SLC6A17: variants seen among roughly 807,000 people sequenced by gnomAD.
SLC6A17 encodes the protein sodium-dependent neutral amino acid transporter SLC6A17.
A neutral mutation model predicts 64.5 loss-of-function variants in SLC6A17; 21 were observed. That is an observed-to-expected ratio of 0.33 (90% CI 0.23 to 0.47). The LOEUF is 0.47. Among genes scored for constraint, SLC6A17 ranks in the 20% least tolerant of loss-of-function variants. SLC6A17 has a pLI of 1.00. For synonymous variants in SLC6A17, 372 were observed against 399.5 expected, an observed-to-expected ratio of 0.93 and a Z score of 0.82; for missense variants, 682 against 963.2, an observed-to-expected ratio of 0.71 and a Z score of 3.86.
intron 1 of SLC6A17, among the ~76,000 whole-genome samples, chr1:110,165,444 A>G (rs1656022717): frequency 6.6e-6 from 1 of 152,094 alleles, no homozygotes; most frequent in South Asian, 2.1e-4. Context: ...CCAAAGCCTA[A>G]CCCTGTCTAT....
intron 1 of SLC6A17, among the ~76,000 whole-genome samples, chr1:110,161,151 G>T (rs1481176699): frequency 6.6e-6 from 1 of 152,230 alleles, no homozygotes; most frequent in Non-Finnish European, 1.5e-5. Context: ...CCAGGTGACT[G>T]TCAGAGGTTT....
Position 110,198,320 on chromosome 1 carries a change from C to T in SLC6A17, c.2060C>T (p.Pro687Leu). The T allele has an allele frequency of 6.2e-7, 1 of 1,614,188 alleles. No homozygotes were observed. Among genetic ancestry groups the T allele is most frequent in the Non-Finnish European group, 8.5e-7 (1 of 1,180,020 alleles). Reference protein sequence around the residue: ...LSKVPSEAPSPMPTHRSYLGP... With the variant: ...LSKVPSEAPSLMPTHRSYLGP... Reference sequence around the variant, plus strand: ...AAGGTGCCCAGTGAGGCACCTTCCCCCATGCCCACTCACCGTTCCTATCTG... The same window carrying T: ...AAGGTGCCCAGTGAGGCACCTTCCCTCATGCCCACTCACCGTTCCTATCTG... Residue 687 changes from proline to leucine, a missense_variant, in exon 12 of 12, where the codon CCC becomes CTC. Pro to Leu is a moderately conservative substitution (Grantham distance 98, BLOSUM62 -3). This residue lies in a region of SLC6A17 where 264 missense variants were observed against 339.5 expected (regional missense o/e 0.78). Coordinates refer to ENST00000331565, the MANE Select transcript of SLC6A17 (RefSeq NM_001010898.4).
intron 2 of SLC6A17, among the ~76,000 whole-genome samples, chr1:110,167,704 A>G (rs1346448134): frequency 6.6e-6 from 1 of 152,182 alleles, no homozygotes. Flanking sequence ...GAAACTGCTG[A>G]TATTTGAGCA....
intron 6 of SLC6A17, among the ~76,000 whole-genome samples, chr1:110,185,546 A>G (rs767123648): frequency 6.6e-6 from 1 of 152,236 alleles, no homozygotes; most frequent in Non-Finnish European, 1.5e-5. Context: ...TGAGTGAGGA[A>G]GTAGTTCAGC....
intron 6 of SLC6A17, among the ~76,000 whole-genome samples, chr1:110,188,472 C>G (rs1656744741): frequency 6.6e-6 from 1 of 152,196 alleles, no homozygotes; most frequent in Admixed American, 6.5e-5. Context: ...ATACTCATCC[C>G]CAGCAGATGA....
chr1:110,173,902 C>CAAG, intron 3 of SLC6A17, 71 bp from the exon 4 acceptor site: 3 of 1,537,476 alleles, frequency 2.0e-6, no homozygotes, highest in South Asian at 1.3e-5. Flanking sequence ...CGTGCTGGGC[C>CAAG]TCGGGTGGAG....
At chr1:110,186,255 T>G (rs1032002634) in intron 6 of SLC6A17, among the ~76,000 whole-genome samples, 1 of 152,150 alleles carries the variant, frequency 6.6e-6, no homozygotes, top group African/African-American at 2.4e-5. Context: ...CAGGAGTGGC[T>G]GCCTCCATTT....
In SLC6A17 at chr1:110,173,958, T is replaced by C. The variant is rs1471860591; in HGVS notation, c.445-15T>C. The C allele has an allele frequency of 5.0e-6, 8 of 1,612,488 alleles. No homozygotes were observed. The Admixed American group carries it at 1.2e-4, about 24-fold the overall frequency. On this transcript the variant is annotated splice_polypyrimidine_tract_variant and intron_variant, in intron 3 of 11. Transcript: ENST00000331565. ...GCCTGCAGCCTCAGTGACCCCGCAG[T>C]GGGCTTGTCCCCAGGTCTGTCTCTT... is the stretch of plus-strand genomic sequence containing the variant.
intron 6 of SLC6A17, among the ~76,000 whole-genome samples, chr1:110,190,904 T>C (rs1656808385): frequency 6.6e-6 from 1 of 152,164 alleles, no homozygotes; most frequent in Non-Finnish European, 1.5e-5. Flanking sequence ...ACCAGCTCCA[T>C]TACCTTGAGC....
intron 11 of SLC6A17, among the ~76,000 whole-genome samples, 186 bp downstream of exon 11, chr1:110,197,785 G>A (rs989373901): frequency 2.0e-5 from 3 of 152,230 alleles, no homozygotes; most frequent in Non-Finnish European, 4.4e-5. Context: ...TAGCACAAAC[G>A]GGGACACCGA....
intron 1 of SLC6A17, among the ~76,000 whole-genome samples, chr1:110,159,264 A>T (rs917516017): frequency 6.6e-6 from 1 of 152,170 alleles, no homozygotes; most frequent in East Asian, 1.9e-4. Flanking sequence ...GAGAGAATGC[A>T]TGGGTTGGGG....
At chr1:110,196,680 C>A (rs1656978861) in intron 10 of SLC6A17, among the ~76,000 whole-genome samples, 1 of 152,146 alleles carries the variant, frequency 6.6e-6, no homozygotes, top group African/African-American at 2.4e-5. Context: ...AGCAAAATAT[C>A]ATTTAAAATT....
intron 6 of SLC6A17, chr1:110,177,818 G>A (rs1656412442): frequency 6.6e-6 from 1 of 152,438 alleles, no homozygotes; most frequent in African/African-American, 2.4e-5. Flanking sequence ...ATCTGATAGG[G>A]TTGGAAATCC....
intron 4 of SLC6A17, among the ~76,000 whole-genome samples, 159 bp from the exon 5 acceptor site, chr1:110,174,620 T>A (rs1000178609): frequency 1.3e-5 from 2 of 152,000 alleles, no homozygotes; most frequent in Non-Finnish European, 2.9e-5. Context: ...TTCCTCAGGG[T>A]CTGCCAGATC....
chr1:110,191,212 G>T (rs1045814822), intron 6 of SLC6A17, among the ~76,000 whole-genome samples: 5 of 152,176 alleles, frequency 3.3e-5, no homozygotes, highest in Non-Finnish European at 5.9e-5. Context: ...TCAGGATTTG[G>T]ATCTGGATCT....
intron 1 of SLC6A17, among the ~76,000 whole-genome samples, chr1:110,161,810 TC>T (rs1484940241): frequency 1.3e-5 from 2 of 152,192 alleles, no homozygotes; most frequent in African/African-American, 2.4e-5. Context: ...CCAGGCTTTG[TC>T]CTGGTGCCAG....
chr1:110,165,642 G>T (rs942360096), intron 1 of SLC6A17, among the ~76,000 whole-genome samples: 1 of 152,194 alleles, frequency 6.6e-6, no homozygotes, highest in African/African-American at 2.4e-5. Context: ...TCAGGCCTTG[G>T]CTGGGGTCAG....
At chr1:110,173,904 C>T (rs897966162) in intron 3 of SLC6A17, 69 bp from the exon 4 acceptor site, 11 of 1,529,008 alleles carry the variant, frequency 7.2e-6, no homozygotes, top group South Asian at 2.7e-5. Context: ...TGCTGGGCCT[C>T]GGGTGGAGCG....
At chr1:110,184,389 GCCACTGCGCGCAGC>G (rs1656623659) in intron 6 of SLC6A17, among the ~76,000 whole-genome samples, 1 of 152,222 alleles carries the variant, frequency 6.6e-6, no homozygotes, top group African/African-American at 2.4e-5. Flanking sequence ...ATAGATGTGA[GCCACTGCGCGCAGC>G]CCAGAAGCCC....
Sources: gnomAD v4.1 joint callset for allele counts (sites outside exome capture counted in the v4.1 genomes callset) on GRCh38, gnomAD v4.1.1 for gene constraint, gnomAD v4.1.1 regional missense constraint, MANE v1.5 for transcripts, NCBI Gene and HGNC (gene_info 2026-07-23, HGNC 2026-07-21) for gene names.